THSD7A: variants seen among roughly 807,000 people sequenced by gnomAD.
THSD7A encodes thrombospondin type-1 domain-containing protein 7A.
A neutral mutation model predicts 231.3 loss-of-function variants in THSD7A; 96 were observed. That is an observed-to-expected ratio of 0.41 (90% CI 0.35 to 0.49). THSD7A has a LOEUF of 0.49. Ranked by LOEUF, THSD7A falls within the 20% of genes least tolerant of loss-of-function variation. The probability of loss-of-function intolerance (pLI) is 0.05; values close to 1 mark genes in which losing one functional copy is unlikely to be tolerated. For missense variants in THSD7A, 2,290 were observed against 2,070.2 expected (o/e 1.11, Z -2.06); for synonymous variants, 940 against 743.3 (o/e 1.26, Z -4.30).
chr7:11,398,474 C>A (rs555428460), intron 23 of THSD7A, among the ~76,000 whole-genome samples: 1 of 152,104 alleles, frequency 6.6e-6, no homozygotes, highest in Admixed American at 6.5e-5. Flanking sequence ...AGCAAATCAC[C>A]ATGGCATGTG....
At chr7:11,574,848 T>G (rs1325726834) in intron 4 of THSD7A, among the ~76,000 whole-genome samples, 1 of 152,164 alleles carries the variant, frequency 6.6e-6, no homozygotes, top group African/African-American at 2.4e-5. Context: ...GAGGCACATT[T>G]TCTAAAACCA....
intron 1 of THSD7A, among the ~76,000 whole-genome samples, chr7:11,672,594 A>G (rs766392075): frequency 1.3e-5 from 2 of 152,192 alleles, no homozygotes; most frequent in Non-Finnish European, 2.9e-5. Context: ...TATTATCAAT[A>G]TAATACAATC....
chr7:11,414,522 A>G lies in THSD7A; in HGVS notation c.3538-1722T>C, dbSNP rs114910423. The stretch of plus-strand genomic sequence containing the variant: ...TATTTCTGGCTTCTGGCTGGCAGCT[A>G]TGATTCCCAGCCTGTCAGGATGGCC... On this transcript the variant is annotated intron_variant, in intron 17 of 27. Coordinates refer to ENST00000423059, the MANE Select transcript of THSD7A (RefSeq NM_015204.3). Among the ~76,000 whole-genome samples, 736 of 152,264 alleles carry G rather than the reference A, an allele frequency of 4.8e-3. 8 individuals carry two copies. Among genetic ancestry groups the G allele is most frequent in the African/African-American group, 0.017 (706 of 41,560 alleles).
intron 3 of THSD7A, 33 bp downstream of exon 3, chr7:11,593,221 C>A (rs552424739): frequency 1.2e-6 from 2 of 1,603,748 alleles, no homozygotes; most frequent in East Asian, 2.2e-5. Context: ...AATGTAGTTT[C>A]GGCAGACGCT....
chr7:11,526,053 T>C (rs1788462393), intron 6 of THSD7A, among the ~76,000 whole-genome samples: 1 of 152,156 alleles, frequency 6.6e-6, no homozygotes, highest in Non-Finnish European at 1.5e-5. Flanking sequence ...CTTACAGCTG[T>C]GGTTGGAGTT....
intron 1 of THSD7A, chr7:11,820,792 T>G: frequency 1.7e-6 from 2 of 1,164,072 alleles, no homozygotes; most frequent in Middle Eastern, 4.0e-4. Flanking sequence ...AGGAGGAGGA[T>G]CTGGACGTGC....
chr7:11,410,271 C>T (rs1014129100), intron 19 of THSD7A, among the ~76,000 whole-genome samples: 6 of 139,216 alleles, frequency 4.3e-5, no homozygotes, highest in African/African-American at 1.7e-4. Context: ...TAAGTTAGGT[C>T]CACATGATAA....
At chr7:11,779,533 G>C (rs1463760207) in intron 1 of THSD7A, among the ~76,000 whole-genome samples, 1 of 152,136 alleles carries the variant, frequency 6.6e-6, no homozygotes, top group Admixed American at 6.5e-5. Context: ...TCTTACTCAA[G>C]GGCATGTTCT....
intron 6 of THSD7A, among the ~76,000 whole-genome samples, chr7:11,522,894 T>C (rs1014936120): frequency 6.6e-6 from 1 of 152,154 alleles, no homozygotes; most frequent in African/African-American, 2.4e-5. Context: ...CGTTATACTT[T>C]TGTAGTCCCT....
At chr7:11,512,942 G>GATATATATATATAT (rs59121982) in intron 6 of THSD7A, among the ~76,000 whole-genome samples, 2,989 of 101,836 alleles carry the variant, frequency 0.029, 215 homozygotes, top group Middle Eastern at 0.044. Flanking sequence ...AAGAAACTAT[G>GATATATATATATAT]ATATATATAT....
chr7:11,807,147 G>C (rs183909355), intron 1 of THSD7A, among the ~76,000 whole-genome samples: 2 of 152,212 alleles, frequency 1.3e-5, no homozygotes, highest in East Asian at 3.9e-4. Flanking sequence ...TCCTAAGGAA[G>C]TTGTGTAGAA....
At chr7:11,595,793 G>C (rs1780339485) in intron 2 of THSD7A, among the ~76,000 whole-genome samples, 1 of 152,192 alleles carries the variant, frequency 6.6e-6, no homozygotes, top group Admixed American at 6.5e-5. Context: ...AATACAATGA[G>C]AATAATTGGA....
At chr7:11,416,362 TATG>T (rs745493708) in intron 17 of THSD7A, among the ~76,000 whole-genome samples, 7 of 152,184 alleles carry the variant, frequency 4.6e-5, no homozygotes, top group Non-Finnish European at 4.4e-5. Context: ...CTCTTCATAA[TATG>T]ATATCTGACA....
chr7:11,789,632 G>A (rs748617605), intron 1 of THSD7A, among the ~76,000 whole-genome samples: 1 of 151,484 alleles, frequency 6.6e-6, no homozygotes, highest in Admixed American at 6.6e-5. Context: ...TAAGTACACA[G>A]TACTATATTG....
intron 2 of THSD7A, among the ~76,000 whole-genome samples, chr7:11,595,968 T>C (rs946046536): frequency 5.3e-5 from 8 of 152,196 alleles, no homozygotes. Context: ...GTGAAATTGA[T>C]AGGAAGCCTA....
chr7:11,786,527 TAG>T (rs1367408294), intron 1 of THSD7A, among the ~76,000 whole-genome samples: 10 of 151,994 alleles, frequency 6.6e-5, no homozygotes, highest in Non-Finnish European at 1.2e-4. Flanking sequence ...ATGAAAGCAT[TAG>T]AGACTTTGAT....
intron 6 of THSD7A, among the ~76,000 whole-genome samples, chr7:11,529,884 G>A (rs1211384625): frequency 6.6e-6 from 1 of 152,108 alleles, no homozygotes; most frequent in Non-Finnish European, 1.5e-5. Context: ...CACCTTAGAG[G>A]AATAAAAGTA....
At chr7:11,791,225 C>T (rs570411834) in intron 1 of THSD7A, among the ~76,000 whole-genome samples, 11 of 152,046 alleles carry the variant, frequency 7.2e-5, no homozygotes, top group African/African-American at 2.6e-4. Context: ...AGTCTAAAAT[C>T]CTGAAGACAA....
intron 1 of THSD7A, among the ~76,000 whole-genome samples, chr7:11,796,543 A>C (rs1305218637): frequency 5.3e-5 from 8 of 151,760 alleles, no homozygotes; most frequent in Middle Eastern, 3.4e-3. Context: ...TATTTACTTT[A>C]TGCAGTCTTT....
Sources: gnomAD v4.1 joint callset for allele counts (sites outside exome capture counted in the v4.1 genomes callset) on GRCh38, gnomAD v4.1.1 for gene constraint, MANE v1.5 for transcripts, NCBI Gene and HGNC (gene_info 2026-07-23, HGNC 2026-07-21) for gene names.